The following ZFHX3 variants were observed in gnomAD, a reference collection of about 807,000 sequenced individuals.
ZFHX3 encodes zinc finger homeobox protein 3.
Under a neutral mutation model 279.1 loss-of-function variants are expected in ZFHX3, and 42 were observed. The ratio of observed to expected loss-of-function variants is 0.15; its 90% CI spans 0.12 to 0.19. ZFHX3 has a LOEUF of 0.19. Among genes scored for constraint, ZFHX3 ranks in the 10% least tolerant of loss-of-function variants. The probability of loss-of-function intolerance (pLI) is 1.00; values close to 1 mark genes in which losing one functional copy is unlikely to be tolerated. For missense variants in ZFHX3, 4,981 were observed against 4,754.0 expected, an observed-to-expected ratio of 1.05 and a Z score of -1.40; for synonymous variants, 2,293 against 1,957.8, an observed-to-expected ratio of 1.17 and a Z score of -4.52.
rs548355106 is a variant in ZFHX3, at chr16:73,841,658, C to T, written c.-1608+49993G>A. Among the ~76,000 whole-genome samples the T allele has an allele frequency of 3.9e-5, 6 of 152,194 alleles. No individual in the cohort carries two copies. The South Asian group carries it at 6.2e-4, about 16-fold the overall frequency. ...AGCTGAGATCCCTCCACCACCCATC[C>T]GGGAGCTCTCTTGGAGAAGAGCAGA... is the stretch of plus-strand genomic sequence containing the variant. On this transcript the variant is annotated intron_variant, in intron 1 of 17. Coordinates refer to the ZFHX3 transcript ENST00000641206.
At position 72,796,892 on chromosome 16, in the gene ZFHX3, G is replaced by A; in HGVS notation, c.5790C>T (p.Ser1930=). 1 of 1,613,780 alleles carries A rather than the reference G, an allele frequency of 6.2e-7. No individual in the cohort carries two copies. Among genetic ancestry groups the A allele is most frequent in the Non-Finnish European group, 8.5e-7 (1 of 1,179,970 alleles). Residue 1930 remains serine (S), a synonymous_variant, in exon 9 of 10, where the codon TCC becomes TCT. Transcript: ENST00000268489. ...ELAPGGGSEP[S]MLPPRIASDA... is the part of the protein sequence containing the mutation. ...CTGAAGCAATGCGTGGAGGGAGCAT[G>A]GAAGGCTCAGAACCACCCCCTGGTG...
chr16:73,338,774 A>C (rs2015967489), intron 3 of ZFHX3, among the ~76,000 whole-genome samples: 1 of 152,184 alleles, frequency 6.6e-6, no homozygotes, highest in South Asian at 2.1e-4. Flanking sequence ...GCTGAAATGT[A>C]ATCCCCAGTG....
intron 3 of ZFHX3, among the ~76,000 whole-genome samples, chr16:73,388,477 C>T (rs1365820149): frequency 6.6e-6 from 1 of 152,188 alleles, no homozygotes; most frequent in African/African-American, 2.4e-5. Flanking sequence ...CCAAAAATAT[C>T]CTAGTCCCTG....
chr16:73,539,713 C>A (rs143521293), intron 2 of ZFHX3, among the ~76,000 whole-genome samples: 5 of 152,118 alleles, frequency 3.3e-5, no homozygotes, highest in African/African-American at 1.2e-4. Context: ...GCTCTTCCAC[C>A]GCCTGCCCGT....
At chr16:72,896,469 C>T (rs1415969402) in intron 3 of ZFHX3, among the ~76,000 whole-genome samples, 1 of 152,132 alleles carries the variant, frequency 6.6e-6, no homozygotes, top group East Asian at 1.9e-4. Context: ...TGGCGCGTAA[C>T]ACCAAGCACA....
chr16:72,975,513 T>C (rs980723876), intron 1 of ZFHX3, among the ~76,000 whole-genome samples: 3 of 152,106 alleles, frequency 2.0e-5, no homozygotes, highest in South Asian at 2.1e-4. Flanking sequence ...TGAAACGTGA[T>C]CACATGTCCC....
intron 5 of ZFHX3, among the ~76,000 whole-genome samples, chr16:72,825,273 G>T (rs2036904032): frequency 6.6e-6 from 1 of 152,228 alleles, no homozygotes; most frequent in Admixed American, 6.5e-5. Flanking sequence ...TGATAATCCA[G>T]TTCATTTTGA....
chr16:72,885,798 G>C (rs1291120646), intron 4 of ZFHX3, among the ~76,000 whole-genome samples: 1 of 152,204 alleles, frequency 6.6e-6, no homozygotes, highest in African/African-American at 2.4e-5. Flanking sequence ...GCAGGATGAT[G>C]ACAGAAAGCC....
Position 73,749,845 on chromosome 16 carries a change from C to T in ZFHX3, c.-1607-69605G>A, listed in dbSNP as rs116119212. ...TACTTGAAGGGCAGCCTTGGATGGCCCTGAACTGTACCCTACGTGAAAGAA... is the reference window on the plus strand; with the variant it reads ...TACTTGAAGGGCAGCCTTGGATGGCTCTGAACTGTACCCTACGTGAAAGAA... On this transcript the variant is annotated intron_variant, in intron 1 of 17. Coordinates refer to the ZFHX3 transcript ENST00000641206. Among the ~76,000 whole-genome samples, 284 of 152,226 alleles carry T rather than the reference C, an allele frequency of 1.9e-3. 3 individuals carry two copies. Among genetic ancestry groups the T allele is most frequent in the African/African-American group, 6.6e-3 (273 of 41,544 alleles).
At chr16:73,613,766 G>T (rs572125416) in intron 2 of ZFHX3, among the ~76,000 whole-genome samples, 2 of 152,082 alleles carry the variant, frequency 1.3e-5, no homozygotes, top group African/African-American at 4.8e-5. Flanking sequence ...GATTGGTGCC[G>T]GCATCTGCGC....
intron 2 of ZFHX3, among the ~76,000 whole-genome samples, chr16:73,548,341 C>T (rs1003689120): frequency 3.9e-5 from 6 of 152,172 alleles, no homozygotes; most frequent in African/African-American, 9.7e-5. Flanking sequence ...GCACAGATCT[C>T]GTCTTCTTTA....
chr16:73,485,018 A>T (rs1341613542), intron 2 of ZFHX3, among the ~76,000 whole-genome samples: 2 of 152,234 alleles, frequency 1.3e-5, no homozygotes, highest in Non-Finnish European at 2.9e-5. Flanking sequence ...CCTCAGAGAC[A>T]CGACTATAAA....
chr16:73,274,986 T>G (rs192756932), intron 4 of ZFHX3, among the ~76,000 whole-genome samples: 3 of 152,282 alleles, frequency 2.0e-5, no homozygotes, highest in Admixed American at 2.0e-4. Flanking sequence ...TGTCTGTAAT[T>G]TTTTTTTCTG....
chr16:73,318,180 A>C (rs764677442), intron 4 of ZFHX3: 1 of 152,044 alleles, frequency 6.6e-6, no homozygotes, highest in Non-Finnish European at 1.5e-5. Flanking sequence ...AAAGTTGCAA[A>C]AACAAAACAA....
At chr16:73,693,778 T>C (rs1295280101) in intron 1 of ZFHX3, among the ~76,000 whole-genome samples, 1 of 152,164 alleles carries the variant, frequency 6.6e-6, no homozygotes, top group Admixed American at 6.5e-5. Context: ...ATTTACAAGA[T>C]TTACTTCGAA....
At chr16:73,851,287 A>G (rs1299444003) in intron 1 of ZFHX3, among the ~76,000 whole-genome samples, 1 of 152,198 alleles carries the variant, frequency 6.6e-6, no homozygotes. Flanking sequence ...GTGCGGTCAC[A>G]TTTTAGACAC....
chr16:73,707,952 A>T (rs1005049293), intron 1 of ZFHX3, among the ~76,000 whole-genome samples: 6 of 152,044 alleles, frequency 3.9e-5, no homozygotes, highest in Non-Finnish European at 5.9e-5. Flanking sequence ...TTTTTATATT[A>T]TAGAAAAAAA....
intron 8 of ZFHX3, among the ~76,000 whole-genome samples, chr16:73,091,393 T>G (rs1422091725): frequency 3.3e-5 from 5 of 152,188 alleles, no homozygotes; most frequent in Non-Finnish European, 7.3e-5. Context: ...TGATTCCCAC[T>G]GTGCCTATTG....
rs374155527 is a variant in ZFHX3 at position 73,065,630 on chromosome 16, CA to C, written c.-532-6619del. 2.1e-3 allele frequency among the ~76,000 whole-genome samples: 310 copies of C among 149,834 alleles called. 1 individual carries two copies. The highest frequency in any genetic ancestry group is 7.4e-3 in the African/African-American group (299 of 40,636). ...GTGCGTGTGTGTGTCTCCCCAAAGC[CA>C]GTAATGGGATTTAAAATGAGAGATT... On this transcript the variant is annotated intron_variant, in intron 8 of 17. Coordinates refer to the ZFHX3 transcript ENST00000641206.
Sources: gnomAD v4.1 joint callset for allele counts (sites outside exome capture counted in the v4.1 genomes callset) on GRCh38, gnomAD v4.1.1 for gene constraint, MANE v1.5 for transcripts, NCBI Gene and HGNC (gene_info 2026-07-23, HGNC 2026-07-21) for gene names.